The following TAF4B variants were observed in gnomAD, a reference collection of about 807,000 sequenced individuals.
TAF4B encodes TATA-box binding protein associated factor 4b.
TAF4B carries 38 observed loss-of-function variants against 86.4 expected under a neutral mutation model. The observed-to-expected ratio is 0.44, with a 90% CI of 0.34 to 0.58. TAF4B has a LOEUF of 0.58. Among genes scored for constraint, TAF4B ranks in the 20% least tolerant of loss-of-function variants. TAF4B has a pLI of 0.02. For missense variants in TAF4B, 988 were observed against 1,027.6 expected (o/e 0.96, Z 0.53); for synonymous variants, 388 against 391.2 (o/e 0.99, Z 0.10).
chr18:26,364,826 T>C (rs2057359554), intron 14 of TAF4B, among the ~76,000 whole-genome samples: 1 of 152,124 alleles, frequency 6.6e-6, no homozygotes, highest in South Asian at 2.1e-4. Flanking sequence ...GTTGATTTCA[T>C]AATGCTGATA....
At chr18:26,257,835 CTGCGTGCGTGTG>C (rs1281850906) in intron 1 of TAF4B, among the ~76,000 whole-genome samples, 1 of 123,264 alleles carries the variant, frequency 8.1e-6, no homozygotes, top group Admixed American at 8.5e-5. Context: ...TGGCTTTCCT[CTGCGTGCGTGTG>C]TGTGTGTGTG....
chr18:26,377,970 T>C (rs556789362), intron 14 of TAF4B, among the ~76,000 whole-genome samples: 1 of 152,330 alleles, frequency 6.6e-6, no homozygotes, highest in African/African-American at 2.4e-5. Flanking sequence ...AATTATTAGC[T>C]TTGGAAATAA....
At chr18:26,346,905 G>A (rs77444723) in intron 13 of TAF4B, among the ~76,000 whole-genome samples, 520 of 7,734 alleles carry the variant, frequency 0.067, 106 homozygotes, top group East Asian at 0.19. Context: ...ATATATGTGT[G>A]TGTATATATA....
At chr18:26,349,270 C>T (rs927882522) in intron 13 of TAF4B, among the ~76,000 whole-genome samples, 2 of 152,014 alleles carry the variant, frequency 1.3e-5, no homozygotes, top group Non-Finnish European at 2.9e-5. Flanking sequence ...TTCTTCTTTC[C>T]CCTTCCGAAA....
rs145919695 is a variant in TAF4B, at chr18:26,299,114, G to A, written c.1832+5583G>A. The stretch of plus-strand genomic sequence containing the variant: ...GACCTCAGGTGATCTGCCTGCCTCG[G>A]CCTCCCAAAGTGCTGGGATTACAGG... On this transcript the variant is annotated intron_variant, in intron 9 of 14. Coordinates refer to ENST00000269142, the MANE Select transcript of TAF4B (RefSeq NM_005640.3). Among the ~76,000 whole-genome samples the A allele has an allele frequency of 9.8e-3, 1,491 of 151,734 alleles. 11 individuals are homozygous for A. Among genetic ancestry groups the A allele is most frequent in the African/African-American group, 0.034 (1,386 of 41,326 alleles).
chr18:26,389,997 G>A lies in TAF4B; in HGVS notation c.2574G>A (p.Leu858=). 6.2e-7 allele frequency: 1 copy of A among 1,613,746 alleles called. No individual in the cohort carries two copies. The highest frequency in any genetic ancestry group is 1.1e-5 in the South Asian group (1 of 90,962). ...TGAAGTATTCTCGAGCTCTATACCT[G>A]GCCCTTCTGAAGTGACCACTCCACT... is the stretch of plus-strand genomic sequence containing the variant. ...REMKYSRALY[L]ALLK Residue 858 remains leucine (L), a synonymous_variant, in exon 15 of 15, where the codon CTG becomes CTA. Coordinates refer to ENST00000269142, the MANE Select transcript of TAF4B (RefSeq NM_005640.3).
rs142040519 is a variant in TAF4B, at chr18:26,311,863, G to T, written c.1833-3366G>T. Among the ~76,000 whole-genome samples, 14 of 152,314 alleles carry T rather than the reference G, an allele frequency of 9.2e-5. No individual in the cohort carries two copies. In the East Asian group the frequency reaches 2.3e-3, roughly 25 times the overall value. ...ACTTTAGAAGAAGTAGTCTGCTGTTGTTAGAGAAGTTAAGGGGATAGAAGA... is the reference window on the plus strand; with the variant it reads ...ACTTTAGAAGAAGTAGTCTGCTGTTTTTAGAGAAGTTAAGGGGATAGAAGA... On this transcript the variant is annotated intron_variant, in intron 9 of 14. Transcript: ENST00000269142.
At chr18:26,338,567 C>A (rs1343968415) in intron 13 of TAF4B, among the ~76,000 whole-genome samples, 1 of 149,106 alleles carries the variant, frequency 6.7e-6, no homozygotes, top group East Asian at 2.0e-4. Context: ...CAACCTCTGC[C>A]TCCCAGGTTC....
intron 1 of TAF4B, among the ~76,000 whole-genome samples, chr18:26,236,824 G>T (rs1470295937): frequency 6.6e-6 from 1 of 152,128 alleles, no homozygotes; most frequent in Non-Finnish European, 1.5e-5. Flanking sequence ...TCCAGATTTT[G>T]TTCAGGGCCC....
At position 26,286,258 on chromosome 18, in the gene TAF4B, T is replaced by A; in HGVS notation, c.1349T>A (p.Leu450Gln). 4 of 1,614,258 alleles carry A rather than the reference T, an allele frequency of 2.5e-6. No individual in the cohort carries two copies. Among genetic ancestry groups the A allele is most frequent in the Non-Finnish European group, 3.4e-6 (4 of 1,180,036 alleles). The part of the protein sequence containing the change: ...SVANTVTTVS[L>Q]QPEKPVVSGT... ...GCAAACACAGTGACCACGGTCTCAC[T>A]GCAACCTGAAAAGCCAGTTGTCTCT... The change falls in exon 7 of 15, where the codon CTG becomes CAG. Residue 450 changes from leucine to glutamine, a missense_variant. Physicochemically the swap from Leu to Gln is moderately radical, Grantham distance 113 (BLOSUM62 -2). Coordinates refer to ENST00000269142, the MANE Select transcript of TAF4B (RefSeq NM_005640.3).
intron 5 of TAF4B, among the ~76,000 whole-genome samples, chr18:26,277,126 A>C (rs2056393386): frequency 6.6e-6 from 1 of 152,138 alleles, no homozygotes. Flanking sequence ...TCTGTCACCC[A>C]GGCTGGAGTG....
chr18:26,329,345 CTG>C (rs2057033488), intron 12 of TAF4B, among the ~76,000 whole-genome samples: 1 of 152,214 alleles, frequency 6.6e-6, no homozygotes, highest in African/African-American at 2.4e-5. Flanking sequence ...GCATGAGACA[CTG>C]TGCCCAGCCA....
intron 1 of TAF4B, among the ~76,000 whole-genome samples, chr18:26,259,248 T>C (rs2056129270): frequency 6.6e-6 from 1 of 151,976 alleles, no homozygotes; most frequent in Non-Finnish European, 1.5e-5. Context: ...GTGTCTTTAA[T>C]GGTGTTCCAT....
At chr18:26,303,389 C>T (rs1199123612) in intron 9 of TAF4B, among the ~76,000 whole-genome samples, 1 of 122,668 alleles carries the variant, frequency 8.2e-6, no homozygotes. Flanking sequence ...ATCCTCCCTC[C>T]ACTTTCATCC....
At chr18:26,284,366 T>A (rs1176983642) in intron 6 of TAF4B, among the ~76,000 whole-genome samples, 1 of 152,254 alleles carries the variant, frequency 6.6e-6, no homozygotes, top group Admixed American at 6.5e-5. Context: ...TTTCGTTTTC[T>A]TATCATTTAT....
At chr18:26,242,693 A>C (rs1332436541) in intron 1 of TAF4B, among the ~76,000 whole-genome samples, 1 of 152,140 alleles carries the variant, frequency 6.6e-6, no homozygotes, top group Non-Finnish European at 1.5e-5. Context: ...TGGTCTTTAC[A>C]ATTTGGCATG....
At chr18:26,273,222 G>T (rs1008546049) in intron 3 of TAF4B, among the ~76,000 whole-genome samples, 1 of 152,080 alleles carries the variant, frequency 6.6e-6, no homozygotes, top group South Asian at 2.1e-4. Context: ...GTCTTTTTGG[G>T]TATCATTTCA....
intron 1 of TAF4B, among the ~76,000 whole-genome samples, chr18:26,243,450 T>A (rs1350196428): frequency 6.6e-6 from 1 of 152,210 alleles, no homozygotes; most frequent in African/African-American, 2.4e-5. Flanking sequence ...TAAGGTCTTT[T>A]CTACACTGTT....
Position 26,260,219 on chromosome 18 carries a change from C to G in TAF4B, c.344-4951C>G, listed in dbSNP as rs201023863. Among the ~76,000 whole-genome samples, 128 of 152,284 alleles carry G rather than the reference C, an allele frequency of 8.4e-4. No homozygotes were observed. In the East Asian group the frequency reaches 0.024, roughly 28 times the overall value. On this transcript the variant is annotated intron_variant, in intron 1 of 14. Coordinates refer to ENST00000269142, the MANE Select transcript of TAF4B (RefSeq NM_005640.3). The stretch of plus-strand genomic sequence containing the variant: ...TGGGTAGATTGCAAAAATTTTCTCC[C>G]ATTCTGTAGGTTGCCTGTTCACTCT...
Sources: allele counts gnomAD v4.1 joint callset (sites outside exome capture counted in the v4.1 genomes callset), GRCh38; gene constraint gnomAD v4.1.1; transcripts MANE v1.5; gene names NCBI Gene and HGNC (gene_info 2026-07-23, HGNC 2026-07-21).